PTPRT: variants seen among roughly 807,000 people sequenced by gnomAD.
The protein encoded by PTPRT is protein tyrosine phosphatase receptor type T, also known as receptor-type tyrosine-protein phosphatase T.
A neutral mutation model predicts 176.8 loss-of-function variants in PTPRT; 56 were observed. The observed-to-expected ratio is 0.32, with a 90% CI of 0.26 to 0.40. The LOEUF (loss-of-function observed/expected upper bound fraction) is 0.40. Among genes scored for constraint, PTPRT ranks in the 10% least tolerant of loss-of-function variants. PTPRT has a pLI of 1.00. For missense variants in PTPRT, 1,540 were observed against 1,908.2 expected, an observed-to-expected ratio of 0.81 and a Z score of 3.60; for synonymous variants, 783 against 739.0, an observed-to-expected ratio of 1.06 and a Z score of -0.96.
At chr20:42,275,182 G>A (rs943797503) in intron 13 of PTPRT, among the ~76,000 whole-genome samples, 1 of 152,236 alleles carries the variant, frequency 6.6e-6, no homozygotes, top group Non-Finnish European at 1.5e-5. Flanking sequence ...CACACAATAG[G>A]TGGTTAATTT....
chr20:42,435,296 C>T (rs183504455), intron 9 of PTPRT, among the ~76,000 whole-genome samples: 5 of 152,274 alleles, frequency 3.3e-5, no homozygotes, highest in Admixed American at 2.0e-4. Context: ...AACTGTGGTC[C>T]ATGTTATCCA....
At chr20:42,533,772 G>A (rs983011774) in intron 7 of PTPRT, among the ~76,000 whole-genome samples, 6 of 152,190 alleles carry the variant, frequency 3.9e-5, no homozygotes, top group Non-Finnish European at 8.8e-5. Flanking sequence ...TGCTGTCATC[G>A]CAGCTTCACT....
chr20:42,033,735 A>G, the PTPRT span, among the ~76,000 whole-genome samples: 2 of 152,176 alleles, frequency 1.3e-5, no homozygotes, highest in African/African-American at 4.8e-5. Context: ...GAAGGGTGCC[A>G]ACATCACAAG....
rs73262906 is a variant in PTPRT at position 42,187,963 on chromosome 20, T to C, written c.2491+11277A>G. On this transcript the variant is annotated intron_variant, in intron 16 of 30. Transcript: ENST00000373187. ...ACCTCTGTGGGCCGCAGTTTCCCTATTCATGGCAAAGTCTCCAATCACATT... is the reference window on the plus strand; with the variant it reads ...ACCTCTGTGGGCCGCAGTTTCCCTACTCATGGCAAAGTCTCCAATCACATT... Among the ~76,000 whole-genome samples the C allele has an allele frequency of 6.6e-3, 1,003 of 152,308 alleles. 15 individuals are homozygous for C. Among genetic ancestry groups the C allele is most frequent in the African/African-American group, 0.023 (944 of 41,578 alleles).
chr20:43,015,114 T>C (rs1334332993), intron 1 of PTPRT, among the ~76,000 whole-genome samples: 1 of 152,212 alleles, frequency 6.6e-6, no homozygotes. Flanking sequence ...ACATGAGTGC[T>C]GGGTGTCATA....
rs3030231 is a variant in PTPRT, at chr20:43,000,061, A to AGGAGGGAGGGAG, written c.89-114141_89-114130dup. The stretch of plus-strand genomic sequence containing the variant: ...AAGAATGGAGGAAGGGAAGAAGGGA[A>AGGAGGGAGGGAG]GGAGGGAGGGAGGGAGGGAGGGAGG... On this transcript the variant is annotated intron_variant, in intron 1 of 30. Transcript: ENST00000373187. Among the ~76,000 whole-genome samples the AGGAGGGAGGGAG allele has an allele frequency of 2.0e-3, 166 of 81,926 alleles. 1 individual carries two copies. The highest frequency in any genetic ancestry group is 8.3e-3 in the African/African-American group (156 of 18,804). The allele number at this position is 81,926 out of a possible 152,430, so 53.7% of individuals were successfully genotyped here.
At chr20:43,060,899 A>G (rs926375570) in intron 1 of PTPRT, among the ~76,000 whole-genome samples, 10 of 152,260 alleles carry the variant, frequency 6.6e-5, no homozygotes, top group Admixed American at 2.0e-4. Context: ...TGGTAAGATT[A>G]TAGGTGTTAC....
chr20:42,658,387 T>A (rs1360111354), intron 7 of PTPRT, among the ~76,000 whole-genome samples: 1 of 152,172 alleles, frequency 6.6e-6, no homozygotes, highest in Non-Finnish European at 1.5e-5. Flanking sequence ...CTTCTTGCGC[T>A]TAGGAACATC....
At chr20:43,034,964 T>G (rs1183862557) in intron 1 of PTPRT, among the ~76,000 whole-genome samples, 1 of 151,100 alleles carries the variant, frequency 6.6e-6, no homozygotes, top group African/African-American at 2.4e-5. Context: ...CTTCAACACT[T>G]ATTAGTAACA....
At chr20:42,843,230 G>A (rs748309861) in intron 2 of PTPRT, among the ~76,000 whole-genome samples, 6 of 152,100 alleles carry the variant, frequency 3.9e-5, no homozygotes, top group East Asian at 1.9e-4. Flanking sequence ...AATAGCTTCC[G>A]ATAGACAATT....
chr20:42,921,960 G>C (rs1421119809), intron 1 of PTPRT, among the ~76,000 whole-genome samples: 3 of 152,050 alleles, frequency 2.0e-5, no homozygotes, highest in Admixed American at 6.5e-5. Flanking sequence ...TTTTGAGATG[G>C]AGTCTCGCTG....
At chr20:42,174,560 T>C (rs1321720244) in intron 16 of PTPRT, among the ~76,000 whole-genome samples, 1 of 152,204 alleles carries the variant, frequency 6.6e-6, no homozygotes, top group African/African-American at 2.4e-5. Context: ...GGTGAACTTA[T>C]CCTCAAAGTG....
rs183464529 is a variant in PTPRT, at chr20:42,905,634, A to C, written c.89-19702T>G. On this transcript the variant is annotated intron_variant, in intron 1 of 30. Coordinates refer to ENST00000373187, the MANE Select transcript of PTPRT (RefSeq NM_007050.6). ...CATGCACACATATGTTTATTGTGGC[A>C]CTATTCGCAATAGCAAAGACTTGAA... 4.1e-3 allele frequency among the ~76,000 whole-genome samples: 620 copies of C among 152,328 alleles called. 3 individuals are homozygous for C. Among genetic ancestry groups the C allele is most frequent in the African/African-American group, 0.014 (579 of 41,560 alleles).
At chr20:42,813,781 T>C (rs1363917378) in intron 2 of PTPRT, among the ~76,000 whole-genome samples, 1 of 152,158 alleles carries the variant, frequency 6.6e-6, no homozygotes, top group African/African-American at 2.4e-5. Flanking sequence ...TGGGCATCTG[T>C]TTCTTCTTTT....
At chr20:42,780,841 C>G (rs1165660087) in intron 3 of PTPRT, among the ~76,000 whole-genome samples, 2 of 152,174 alleles carry the variant, frequency 1.3e-5, no homozygotes, top group African/African-American at 4.8e-5. Flanking sequence ...TAGAAGGCAA[C>G]TGACTTCCAC....
chr20:42,511,751 C>T (rs994556336), intron 7 of PTPRT, among the ~76,000 whole-genome samples: 6 of 151,268 alleles, frequency 4.0e-5, no homozygotes, highest in African/African-American at 1.5e-4. Flanking sequence ...TTTTTAGATA[C>T]CAATGTCTTG....
chr20:42,308,618 T>C (rs913487524), intron 12 of PTPRT, among the ~76,000 whole-genome samples: 3 of 152,206 alleles, frequency 2.0e-5, no homozygotes, highest in African/African-American at 7.2e-5. Flanking sequence ...CATTGTCTAA[T>C]TTACTCTCTC....
intron 23 of PTPRT, among the ~76,000 whole-genome samples, chr20:42,109,720 A>ATGTT (rs1986841930): frequency 5.3e-5 from 8 of 152,092 alleles, no homozygotes; most frequent in Admixed American, 3.3e-4. Flanking sequence ...TAAAATGGGA[A>ATGTT]TGTTAATAAT....
intron 1 of PTPRT, among the ~76,000 whole-genome samples, chr20:43,111,584 T>C (rs2012872906): frequency 6.8e-6 from 1 of 148,092 alleles, no homozygotes. Flanking sequence ...GGTTACATAA[T>C]GGGACTTGTA....
Sources: allele counts gnomAD v4.1 joint callset (sites outside exome capture counted in the v4.1 genomes callset), GRCh38; gene constraint gnomAD v4.1.1; transcripts MANE v1.5; gene names NCBI Gene and HGNC (gene_info 2026-07-23, HGNC 2026-07-21).